Variants in PRKN observed in about 807,000 individuals in gnomAD.
PRKN encodes E3 ubiquitin-protein ligase parkin.
Under a neutral mutation model 59.5 loss-of-function variants are expected in PRKN, and 56 were observed. That is an observed-to-expected ratio of 0.94 (90% CI 0.76 to 1.18). PRKN has a LOEUF of 1.18. Among genes scored for constraint, PRKN ranks in the 50% most tolerant of loss-of-function variants. The pLI is 0.00. For missense variants in PRKN, 657 were observed against 596.4 expected (o/e 1.10, Z -1.06); for synonymous variants, 250 against 222.1 (o/e 1.13, Z -1.12).
intron 4 of PRKN, among the ~76,000 whole-genome samples, chr6:162,072,904 CT>C (rs1429802058): frequency 1.9e-4 from 29 of 152,166 alleles, no homozygotes. Context: ...GTGGGTACTG[CT>C]GAATAACCAC....
At chr6:161,921,461 C>A (rs1464714808) in intron 6 of PRKN, among the ~76,000 whole-genome samples, 1 of 152,168 alleles carries the variant, frequency 6.6e-6, no homozygotes, top group East Asian at 1.9e-4. Flanking sequence ...TGACCATTAT[C>A]AAGTATTATG....
rs989371248 is a variant in PRKN, at chr6:161,549,338, T to A, written c.934-335A>T. On this transcript the variant is annotated intron_variant, in intron 8 of 11. Coordinates refer to ENST00000366898, the MANE Select transcript of PRKN (RefSeq NM_004562.3). This position sits in a 1 kb window ranked among gnomAD's most constrained non-coding sequence, Gnocchi z 6.0. ...ACTGTATTTTAACAATCTTATTTCA[T>A]ATACATTTTGAGGAACATATTTATG... Among the ~76,000 whole-genome samples, 1 of 152,220 alleles carries A rather than the reference T, an allele frequency of 6.6e-6. No homozygotes were observed. The highest frequency in any genetic ancestry group is 2.4e-5 in the African/African-American group (1 of 41,454).
intron 1 of PRKN, among the ~76,000 whole-genome samples, chr6:162,600,274 G>T (rs1781651599): frequency 6.6e-6 from 1 of 152,122 alleles, no homozygotes; most frequent in East Asian, 1.9e-4. Context: ...ATAGGGTTTT[G>T]AGTTCAACCA....
chr6:161,922,515 G>A (rs140312101), intron 6 of PRKN, among the ~76,000 whole-genome samples: 273 of 152,256 alleles, frequency 1.8e-3, no homozygotes, highest in African/African-American at 5.8e-3. Context: ...ATTTGTACAC[G>A]TGCACATACA....
chr6:162,633,029 T>C (rs1160003457), intron 1 of PRKN, among the ~76,000 whole-genome samples: 1 of 152,202 alleles, frequency 6.6e-6, no homozygotes, highest in African/African-American at 2.4e-5. Context: ...ATTTAATTTA[T>C]ACTTTATGCA....
intron 1 of PRKN, among the ~76,000 whole-genome samples, chr6:162,501,514 A>ATTTTTTTTT (rs10596593): frequency 7.1e-6 from 1 of 141,750 alleles, no homozygotes. Flanking sequence ...CGCCTGGTTA[A>ATTTTTTTTT]TTTTTTTTTT....
Position 161,440,506 on chromosome 6 carries a change from C to G in PRKN, c.1084-53629G>C, listed in dbSNP as rs1252698281. 6.6e-6 allele frequency among the ~76,000 whole-genome samples: 1 copy of G among 152,132 alleles called. No homozygotes were observed. Among genetic ancestry groups the G allele is most frequent in the African/African-American group, 2.4e-5 (1 of 41,430 alleles). On this transcript the variant is annotated intron_variant, in intron 9 of 11. Transcript: ENST00000366898. This position sits in a 1 kb window ranked among gnomAD's most constrained non-coding sequence, Gnocchi z 4.1. ...TTGCTGCCTCTGGGAGGCTGCCTCT[C>G]GGGATAGATTGAATTGTTCTGCAAA...
At chr6:161,604,378 A>G (rs976636952) in intron 7 of PRKN, among the ~76,000 whole-genome samples, 11 of 152,224 alleles carry the variant, frequency 7.2e-5, no homozygotes, top group African/African-American at 2.7e-4. Flanking sequence ...TGCCTCCAGG[A>G]GGATGGCATT....
At position 162,018,211 on chromosome 6, in the gene PRKN, A is replaced by G. The variant is rs542735147; in HGVS notation, c.618+35880T>C. Among the ~76,000 whole-genome samples the G allele has an allele frequency of 5.3e-5, 8 of 152,232 alleles. No individual in the cohort carries two copies. The East Asian group carries it at 1.6e-3, about 30-fold the overall frequency. ...CCGGCTAATTTTTTGTGTTTTTAGT[A>G]GAGATGGGGTTTCATCGTGTTAGCC... On this transcript the variant is annotated intron_variant, in intron 5 of 11. Coordinates refer to ENST00000366898, the MANE Select transcript of PRKN (RefSeq NM_004562.3).
At chr6:162,601,862 G>C (rs1316895299) in intron 1 of PRKN, among the ~76,000 whole-genome samples, 1 of 152,154 alleles carries the variant, frequency 6.6e-6, no homozygotes, top group African/African-American at 2.4e-5. Context: ...TGTCATTTAT[G>C]AATTTATCGT....
chr6:161,787,339 G>A (rs1039768117), intron 6 of PRKN, among the ~76,000 whole-genome samples: 2 of 152,268 alleles, frequency 1.3e-5, no homozygotes, highest in African/African-American at 2.4e-5. Flanking sequence ...GAGCAAGGGC[G>A]CACCTAAAGG....
At chr6:161,776,664 G>A (rs1407000545) in intron 7 of PRKN, among the ~76,000 whole-genome samples, 2 of 152,138 alleles carry the variant, frequency 1.3e-5, no homozygotes, top group African/African-American at 2.4e-5. Flanking sequence ...CTGAGGCATG[G>A]CCTTGGCATT....
intron 2 of PRKN, among the ~76,000 whole-genome samples, chr6:162,353,044 T>A (rs998178885): frequency 6.6e-6 from 1 of 152,154 alleles, no homozygotes; most frequent in African/African-American, 2.4e-5. Flanking sequence ...TTTACTAGTA[T>A]GTTGAATGAG....
At chr6:161,776,387 A>G (rs561293999) in intron 7 of PRKN, among the ~76,000 whole-genome samples, 1 of 152,368 alleles carries the variant, frequency 6.6e-6, no homozygotes, top group East Asian at 1.9e-4. Flanking sequence ...GGTTCTGGAA[A>G]TAGGCTGTTT....
intron 10 of PRKN, among the ~76,000 whole-genome samples, chr6:161,382,254 G>A (rs1786026385): frequency 6.6e-6 from 1 of 152,130 alleles, no homozygotes; most frequent in African/African-American, 2.4e-5. Flanking sequence ...AAAGCTTACA[G>A]GATGTAGTGG....
intron 9 of PRKN, among the ~76,000 whole-genome samples, chr6:161,474,071 G>T (rs540168039): frequency 2.6e-5 from 4 of 152,256 alleles, no homozygotes; most frequent in Admixed American, 2.0e-4. Context: ...GAAAAAAATG[G>T]GCGTGGAGCA....
chr6:161,391,323 C>T lies in PRKN; in HGVS notation c.1084-4446G>A, dbSNP rs1299104897. Reference sequence around the variant, plus strand: ...CCAAACCTTATGAGTCAACATTAACCGAATGGAAGTTAGTATACCAGGAAA... The same window carrying T: ...CCAAACCTTATGAGTCAACATTAACTGAATGGAAGTTAGTATACCAGGAAA... On this transcript the variant is annotated intron_variant, in intron 9 of 11. Coordinates refer to ENST00000366898, the MANE Select transcript of PRKN (RefSeq NM_004562.3). This position sits in a 1 kb window ranked among gnomAD's most constrained non-coding sequence, Gnocchi z 4.9. Among the ~76,000 whole-genome samples the T allele has an allele frequency of 1.3e-5, 2 of 151,942 alleles. No homozygotes were observed. Among genetic ancestry groups the T allele is most frequent in the South Asian group, 2.1e-4 (1 of 4,814 alleles).
intron 1 of PRKN, among the ~76,000 whole-genome samples, chr6:162,717,977 T>C (rs1024302537): frequency 1.3e-5 from 2 of 152,212 alleles, no homozygotes; most frequent in Admixed American, 6.5e-5. Flanking sequence ...AACACAATCA[T>C]AATAAAAGAA....
intron 6 of PRKN, among the ~76,000 whole-genome samples, chr6:161,893,369 T>C (rs1271066888): frequency 6.6e-6 from 1 of 152,208 alleles, no homozygotes; most frequent in Non-Finnish European, 1.5e-5. Context: ...GCTGGTTATC[T>C]GTTCACACGC....
Sources: gnomAD v4.1 joint callset for allele counts (sites outside exome capture counted in the v4.1 genomes callset) on GRCh38, gnomAD v4.1.1 for gene constraint, Gnocchi (gnomAD v3.1) non-coding constraint, MANE v1.5 for transcripts, NCBI Gene and HGNC (gene_info 2026-07-23, HGNC 2026-07-21) for gene names.